Variants in GSE1 observed in about 807,000 individuals in gnomAD.
The protein encoded by GSE1 is Gse1 coiled-coil protein.
In GSE1, 32 loss-of-function variants were observed where a neutral mutation model predicts 112.6. The observed-to-expected ratio is 0.28, with a 90% CI of 0.21 to 0.38. The LOEUF (loss-of-function observed/expected upper bound fraction) is 0.38. Ranked by LOEUF, GSE1 falls within the 10% of genes least tolerant of loss-of-function variation. The pLI is 1.00. For synonymous variants in GSE1, 1,115 were observed against 735.6 expected (o/e 1.52, Z -8.35); for missense variants, 2,348 against 1,699.2 (o/e 1.38, Z -6.71).
intron 2 of GSE1, among the ~76,000 whole-genome samples, chr16:85,534,178 G>A (rs975695847): frequency 1.3e-5 from 2 of 150,362 alleles, no homozygotes; most frequent in African/African-American, 4.9e-5. Context: ...CTGGAGTGCA[G>A]TGGCCTGATC....
At chr16:85,467,472 T>C (rs1355830487) in intron 2 of GSE1, among the ~76,000 whole-genome samples, 1 of 152,192 alleles carries the variant, frequency 6.6e-6, no homozygotes, top group East Asian at 1.9e-4. Flanking sequence ...CATGTTGTTG[T>C]ATTAGACGGG....
intron 1 of GSE1, among the ~76,000 whole-genome samples, chr16:85,192,905 C>G (rs982528739): frequency 6.6e-6 from 1 of 152,242 alleles, no homozygotes; most frequent in Non-Finnish European, 1.5e-5. Flanking sequence ...CCCTCGCAAA[C>G]AAGAGTGACC....
intron 1 of GSE1, among the ~76,000 whole-genome samples, chr16:85,338,917 C>T (rs1409805730): frequency 2.0e-5 from 3 of 152,230 alleles, no homozygotes; most frequent in South Asian, 4.1e-4. Flanking sequence ...CGCGTGTCTG[C>T]AGAGCTTGGC....
chr16:85,635,889 C>CACCT (rs2049954760), intron 2 of GSE1, among the ~76,000 whole-genome samples: 1 of 152,262 alleles, frequency 6.6e-6, no homozygotes, highest in Non-Finnish European at 1.5e-5. Context: ...TGTTCAGACT[C>CACCT]GCCTTCCCTC....
chr16:85,497,969 TGGG>T (rs1024091377), intron 2 of GSE1, among the ~76,000 whole-genome samples: 1 of 146,866 alleles, frequency 6.8e-6, no homozygotes, highest in Non-Finnish European at 1.5e-5. Flanking sequence ...AGCTGGGAGG[TGGG>T]GGAGCGGGCG....
intron 1 of GSE1, among the ~76,000 whole-genome samples, chr16:85,243,867 C>G (rs1325639405): frequency 1.3e-5 from 2 of 152,116 alleles, no homozygotes; most frequent in African/African-American, 2.4e-5. Context: ...TGGCTCACGC[C>G]TGTAATCGCA....
intron 2 of GSE1, among the ~76,000 whole-genome samples, chr16:85,403,451 G>C (rs2048167175): frequency 6.6e-6 from 1 of 152,132 alleles, no homozygotes; most frequent in Non-Finnish European, 1.5e-5. Flanking sequence ...GGTTGGTTAA[G>C]TTTGTTAATG....
chr16:85,282,474 T>C (rs1035562597), intron 1 of GSE1, among the ~76,000 whole-genome samples: 8 of 152,200 alleles, frequency 5.3e-5, no homozygotes, highest in Admixed American at 2.6e-4. Context: ...CATGTGTGTT[T>C]TGGGGACCCA....
chr16:85,663,187 T>C, intron 10 of GSE1, 94 bp downstream of exon 10: 1 of 1,251,296 alleles, frequency 8.0e-7, no homozygotes, highest in Non-Finnish European at 1.2e-6. Flanking sequence ...GCTAGGTTCC[T>C]CCGAAGTCCT....
chr16:85,518,460 C>T (rs115650137), intron 2 of GSE1, among the ~76,000 whole-genome samples: 1,999 of 152,158 alleles, frequency 0.013, 36 homozygotes, highest in African/African-American at 0.045. Context: ...GAAACCGAGG[C>T]GCAGAAGTAA....
intron 1 of GSE1, among the ~76,000 whole-genome samples, chr16:85,622,450 C>G (rs2048801069): frequency 1.3e-5 from 2 of 152,150 alleles, no homozygotes; most frequent in Admixed American, 1.3e-4. Context: ...CGTGGGTTGC[C>G]ACTTAGGGAA....
chr16:85,175,577 C>G (rs1168438572), intron 1 of GSE1, among the ~76,000 whole-genome samples: 2 of 152,220 alleles, frequency 1.3e-5, no homozygotes, highest in African/African-American at 4.8e-5. Context: ...CCCCCGCCCC[C>G]GTGAAGTGCT....
At chr16:85,553,798 C>T (rs1312003839), upstream of GSE1, among the ~76,000 whole-genome samples, 1 of 152,230 alleles carries the variant, frequency 6.6e-6, no homozygotes, top group Non-Finnish European at 1.5e-5. Context: ...CCCCCATCTC[C>T]TCCAATTTGC....
intron 1 of GSE1, among the ~76,000 whole-genome samples, chr16:85,615,563 C>A (rs2048321668): frequency 6.6e-6 from 1 of 152,100 alleles, no homozygotes; most frequent in Non-Finnish European, 1.5e-5. Context: ...TGGTGAGAGC[C>A]CGCCAGGAGC....
intron 2 of GSE1, among the ~76,000 whole-genome samples, chr16:85,475,139 C>T (rs1033975161): frequency 6.6e-6 from 1 of 152,246 alleles, no homozygotes; most frequent in African/African-American, 2.4e-5. Flanking sequence ...GCCCCCTTCT[C>T]TTCCTGCCCC....
intron 2 of GSE1, among the ~76,000 whole-genome samples, chr16:85,381,954 A>G (rs1305323004): frequency 2.0e-5 from 3 of 152,188 alleles, no homozygotes; most frequent in African/African-American, 7.2e-5. Context: ...AGAGTGCCTG[A>G]GGAAGTCTGG....
intron 1 of GSE1, among the ~76,000 whole-genome samples, chr16:85,327,225 C>T (rs991910218): frequency 1.3e-5 from 2 of 152,184 alleles, no homozygotes; most frequent in Non-Finnish European, 2.9e-5. Context: ...CCACAAGGCA[C>T]CCGCCACTTC....
chr16:85,496,271 G>A (rs987857351), intron 2 of GSE1, among the ~76,000 whole-genome samples: 7 of 152,274 alleles, frequency 4.6e-5, no homozygotes, highest in African/African-American at 1.7e-4. Flanking sequence ...TCAGGGATGA[G>A]CGATGGGCCG....
At chr16:85,343,444 C>A (rs1301569269) in intron 1 of GSE1, among the ~76,000 whole-genome samples, 1 of 152,082 alleles carries the variant, frequency 6.6e-6, no homozygotes, top group Non-Finnish European at 1.5e-5. Context: ...AACAAATCTG[C>A]AGGTATCTCA....
Sources: allele counts gnomAD v4.1 joint callset (sites outside exome capture counted in the v4.1 genomes callset), GRCh38; gene constraint gnomAD v4.1.1; transcripts MANE v1.5; gene names NCBI Gene and HGNC (gene_info 2026-07-23, HGNC 2026-07-21).